Variants in NDUFV2 observed in about 807,000 individuals in gnomAD.
The protein encoded by NDUFV2 is NADH dehydrogenase [ubiquinone] flavoprotein 2, mitochondrial.
In NDUFV2, 18 loss-of-function variants were observed where a neutral mutation model predicts 31.6. The ratio of observed to expected loss-of-function variants is 0.57; its 90% CI spans 0.39 to 0.84. The LOEUF (loss-of-function observed/expected upper bound fraction) is 0.84. Ranked by LOEUF, NDUFV2 falls within the 40% of genes least tolerant of loss-of-function variation. The pLI is 0.00. For missense variants in NDUFV2, 314 were observed against 303.6 expected (o/e 1.03, Z -0.26); for synonymous variants, 83 against 99.8 (o/e 0.83, Z 1.01).
chr18:9,102,792 C>A lies in NDUFV2; in HGVS notation c.49C>A (p.His17Asn). The change falls in exon 1 of 8, where the codon CAC (histidine) becomes AAC (asparagine). Residue 17 changes from histidine (H) to asparagine (N), a missense_variant. Transcript: ENST00000318388. ...GGCCCGGGCGGCTGGCCTCACCGCC[C>A]ACTGGGTAAGGAGGCTCAAGCTGAG... ...LRARAAGLTA[H>N]WGRHVRNLHK... 6.4e-7 allele frequency: 1 copy of A among 1,571,788 alleles called. No homozygotes were observed. Among genetic ancestry groups the A allele is most frequent in the East Asian group, 2.3e-5 (1 of 42,620 alleles).
intron 5 of NDUFV2, among the ~76,000 whole-genome samples, chr18:9,123,590 A>T (rs2077959539): frequency 2.0e-5 from 3 of 151,664 alleles, no homozygotes; most frequent in Admixed American, 2.0e-4. Context: ...GGCTCAAGTG[A>T]TCTTCTGCCT....
rs1410448774 is a variant in NDUFV2 at position 9,119,317 on chromosome 18, G to T, written c.121-9G>T. On this transcript the variant is annotated splice_polypyrimidine_tract_variant and intron_variant, in intron 2 of 7. Coordinates refer to ENST00000318388, the MANE Select transcript of NDUFV2 (RefSeq NM_021074.5). ...TGGATAAGTCTGAAAAACTGTTTTT[G>T]TTGTGTAGCACAGAGATACTCCTGA... 1.2e-6 allele frequency: 2 copies of T among 1,610,096 alleles called. No homozygotes were observed. The highest frequency in any genetic ancestry group is 2.7e-5 in the African/African-American group (2 of 74,820).
chr18:9,125,190 AATT>A (rs1270368224), intron 6 of NDUFV2, among the ~76,000 whole-genome samples: 1 of 152,190 alleles, frequency 6.6e-6, no homozygotes, highest in Non-Finnish European at 1.5e-5. Flanking sequence ...GATTATGAAA[AATT>A]TAATAATTTG....
At chr18:9,114,550 TA>T (rs1468833687) in intron 1 of NDUFV2, among the ~76,000 whole-genome samples, 3 of 151,968 alleles carry the variant, frequency 2.0e-5, no homozygotes, top group African/African-American at 7.3e-5. Context: ...AAACTTTACT[TA>T]AATCTCAAAA....
rs10659823 is a variant in NDUFV2 at position 9,112,017 on chromosome 18, G to GTTTT, written c.55-5805_55-5802dup. On this transcript the variant is annotated intron_variant, in intron 1 of 7. Coordinates refer to ENST00000318388, the MANE Select transcript of NDUFV2 (RefSeq NM_021074.5). ...TTACACCACACTCAGCATCAGAAGG[G>GTTTT]TTTTTTTTTTTTTTTTTTTGATAGA... Among the ~76,000 whole-genome samples the GTTTT allele has an allele frequency of 4.6e-4, 56 of 122,346 alleles. 3 individuals are homozygous for GTTTT. Among genetic ancestry groups the GTTTT allele is most frequent in the African/African-American group, 1.3e-3 (39 of 31,164 alleles). The allele number at this position is 122,346 out of a possible 152,430, so 80.3% of individuals were successfully genotyped here.
At chr18:9,132,744 G>A (rs1341695577) in intron 7 of NDUFV2, among the ~76,000 whole-genome samples, 2 of 152,126 alleles carry the variant, frequency 1.3e-5, no homozygotes, top group Admixed American at 6.6e-5. Context: ...GCATGGTGAC[G>A]CACACCTGTA....
chr18:9,130,828 C>G (rs1478010692), intron 7 of NDUFV2, among the ~76,000 whole-genome samples: 1 of 152,128 alleles, frequency 6.6e-6, no homozygotes. Flanking sequence ...CCAGGTCTTA[C>G]CCTGGCCAAA....
At chr18:9,113,133 C>G (rs765322444) in intron 1 of NDUFV2, among the ~76,000 whole-genome samples, 12 of 152,182 alleles carry the variant, frequency 7.9e-5, no homozygotes, top group African/African-American at 2.9e-4. Flanking sequence ...GTATGTACTT[C>G]ATAGGTACAT....
At chr18:9,118,819 T>TTTG (rs1555697082) in intron 2 of NDUFV2, among the ~76,000 whole-genome samples, 3 of 146,664 alleles carry the variant, frequency 2.0e-5, no homozygotes, top group Non-Finnish European at 4.5e-5. Flanking sequence ...GGTGCTGTTT[T>TTTG]TTTTTTTTTT....
chr18:9,133,724 A>G (rs1411407520), intron 7 of NDUFV2, among the ~76,000 whole-genome samples: 1 of 152,106 alleles, frequency 6.6e-6, no homozygotes, highest in Non-Finnish European at 1.5e-5. Context: ...ATAAAATTCA[A>G]CTCTAAAAAG....
intron 5 of NDUFV2, among the ~76,000 whole-genome samples, chr18:9,123,495 CT>C (rs2077958393): frequency 1.4e-5 from 2 of 145,308 alleles, no homozygotes; most frequent in Non-Finnish European, 3.0e-5. Flanking sequence ...TTTTTTTTTT[CT>C]GTTTTTTTGA....
chr18:9,104,823 G>C (rs370087204), intron 1 of NDUFV2: 1 of 1,035,662 alleles, frequency 9.7e-7, no homozygotes, highest in Non-Finnish European at 1.3e-6. Context: ...CACGTCATAC[G>C]TGTGTAGAAA....
At chr18:9,106,850 C>T (rs1429161108) in intron 1 of NDUFV2, among the ~76,000 whole-genome samples, 1 of 152,112 alleles carries the variant, frequency 6.6e-6, no homozygotes, top group African/African-American at 2.4e-5. Context: ...CTCTTGGCCC[C>T]TTCTTTCATC....
At chr18:9,125,895 T>C (rs917109000) in intron 6 of NDUFV2, among the ~76,000 whole-genome samples, 2 of 152,152 alleles carry the variant, frequency 1.3e-5, no homozygotes, top group African/African-American at 4.8e-5. Flanking sequence ...TGAGGGACAG[T>C]TTACTCTTAT....
At chr18:9,120,632 G>T (rs879307643) in intron 4 of NDUFV2, among the ~76,000 whole-genome samples, 2 of 151,036 alleles carry the variant, frequency 1.3e-5, no homozygotes, top group African/African-American at 2.4e-5. Context: ...TTAGTTTATT[G>T]ATATTTTATT....
chr18:9,111,849 C>T (rs541534222), intron 1 of NDUFV2, among the ~76,000 whole-genome samples: 1 of 151,992 alleles, frequency 6.6e-6, no homozygotes, highest in African/African-American at 2.4e-5. Context: ...TATATTGTCT[C>T]TCCATACATA....
At position 9,102,795 on chromosome 18, in the gene NDUFV2, T is replaced by C. The variant is rs751550238; in HGVS notation, c.52T>C (p.Trp18Arg). The C allele has an allele frequency of 2.1e-5, 33 of 1,569,506 alleles. No individual in the cohort carries two copies. The highest frequency in any genetic ancestry group is 2.8e-5 in the Non-Finnish European group (33 of 1,159,518). ...RARAAGLTAH[W>R]GRHVRNLHKT... The stretch of plus-strand genomic sequence containing the variant: ...CCGGGCGGCTGGCCTCACCGCCCAC[T>C]GGGTAAGGAGGCTCAAGCTGAGCCC... Residue 18 changes from tryptophan to arginine, a missense_variant and splice_region_variant, in exon 1 of 8, where the codon TGG (tryptophan) becomes CGG (arginine). By Grantham distance (101) the Trp-to-Arg change is moderately radical. Coordinates refer to ENST00000318388, the MANE Select transcript of NDUFV2 (RefSeq NM_021074.5).
chr18:9,103,198 A>T (rs1343043791), intron 1 of NDUFV2: 8 of 399,892 alleles, frequency 2.0e-5, no homozygotes, highest in African/African-American at 4.1e-5. Flanking sequence ...AGGTTGCAGC[A>T]TACTGGAGAG....
intron 6 of NDUFV2, among the ~76,000 whole-genome samples, chr18:9,125,695 C>G (rs1485079707): frequency 6.6e-6 from 1 of 152,102 alleles, no homozygotes; most frequent in African/African-American, 2.4e-5. Context: ...CTTGTTAGCT[C>G]ATATTTCTTA....
Sources: gnomAD v4.1 joint callset for allele counts (sites outside exome capture counted in the v4.1 genomes callset) on GRCh38, gnomAD v4.1.1 for gene constraint, MANE v1.5 for transcripts, NCBI Gene and HGNC (gene_info 2026-07-23, HGNC 2026-07-21) for gene names.